Variants in KHDRBS2 observed in about 807,000 individuals in gnomAD.
KHDRBS2 encodes KH domain-containing, RNA-binding, signal transduction-associated protein 2.
Under a neutral mutation model 44.3 loss-of-function variants are expected in KHDRBS2, and 26 were observed. That is an observed-to-expected ratio of 0.59 (90% CI 0.43 to 0.81). The LOEUF (loss-of-function observed/expected upper bound fraction) is 0.81. Ranked by LOEUF, KHDRBS2 falls within the 40% of genes least tolerant of loss-of-function variation. The probability of loss-of-function intolerance (pLI) is 0.00; values close to 1 mark genes in which losing one functional copy is unlikely to be tolerated. For synonymous variants in KHDRBS2, 194 were observed against 151.1 expected (o/e 1.28, Z -2.08); for missense variants, 476 against 433.1 (o/e 1.10, Z -0.88).
intron 2 of KHDRBS2, among the ~76,000 whole-genome samples, chr6:62,119,853 G>A (rs1416477525): frequency 6.6e-6 from 1 of 152,108 alleles, no homozygotes; most frequent in Non-Finnish European, 1.5e-5. Context: ...TTCTCCTCAG[G>A]AACTACCCCC....
chr6:61,931,945 A>T (rs1031617414), intron 4 of KHDRBS2, among the ~76,000 whole-genome samples: 5 of 152,170 alleles, frequency 3.3e-5, no homozygotes, highest in Non-Finnish European at 5.9e-5. Flanking sequence ...TCCACTTAAT[A>T]GTAAATATAT....
intron 4 of KHDRBS2, among the ~76,000 whole-genome samples, chr6:61,904,250 A>G (rs1427174354): frequency 6.6e-6 from 1 of 152,174 alleles, no homozygotes; most frequent in Non-Finnish European, 1.5e-5. Context: ...TGAATTGCCC[A>G]TTTAAATCTT....
At chr6:62,021,412 T>TA (rs1010920423) in intron 3 of KHDRBS2, among the ~76,000 whole-genome samples, 2 of 151,674 alleles carry the variant, frequency 1.3e-5, no homozygotes, top group Non-Finnish European at 3.0e-5. Flanking sequence ...ACTTAAAAGT[T>TA]AAAAAAATAA....
Position 62,094,974 on chromosome 6 carries a change from G to C in KHDRBS2, c.220-46980C>G, listed in dbSNP as rs531067952. On this transcript the variant is annotated intron_variant, in intron 2 of 8. Transcript: ENST00000281156. ...TTTGGTTACTATAGCATTGTAGTAC[G>C]TTTCACAATAAGGTAGTGTGCTACC... 9.3e-4 allele frequency among the ~76,000 whole-genome samples: 141 copies of C among 151,802 alleles called. 2 individuals carry two copies. The South Asian group carries it at 0.01, about 11-fold the overall frequency.
At chr6:61,715,007 G>T (rs1771149618) in intron 7 of KHDRBS2, among the ~76,000 whole-genome samples, 1 of 151,786 alleles carries the variant, frequency 6.6e-6, no homozygotes, top group Non-Finnish European at 1.5e-5. Context: ...ATGCATAGAA[G>T]AAATTACAAC....
intron 6 of KHDRBS2, among the ~76,000 whole-genome samples, chr6:61,779,361 G>T (rs1395393399): frequency 6.6e-6 from 1 of 152,038 alleles, no homozygotes; most frequent in Non-Finnish European, 1.5e-5. Flanking sequence ...ACAGATTTTT[G>T]TTTTAATAAA....
At chr6:62,112,442 A>G (rs912673496) in intron 2 of KHDRBS2, among the ~76,000 whole-genome samples, 7 of 152,108 alleles carry the variant, frequency 4.6e-5, no homozygotes, top group Non-Finnish European at 1.0e-4. Flanking sequence ...GAGCAACAAG[A>G]CTAGATGAAA....
intron 6 of KHDRBS2, among the ~76,000 whole-genome samples, chr6:61,740,007 G>A (rs1775918084): frequency 6.6e-6 from 1 of 151,770 alleles, no homozygotes; most frequent in Non-Finnish European, 1.5e-5. Context: ...CAAATCTTGT[G>A]AGCCAGTATG....
intron 6 of KHDRBS2, among the ~76,000 whole-genome samples, chr6:61,755,928 T>A (rs1379606271): frequency 2.0e-5 from 3 of 152,190 alleles, no homozygotes; most frequent in Non-Finnish European, 4.4e-5. Flanking sequence ...ATGCTGTGAT[T>A]TGAAAACTAC....
intron 2 of KHDRBS2, among the ~76,000 whole-genome samples, chr6:62,088,972 C>T (rs550548476): frequency 6.6e-6 from 1 of 152,208 alleles, no homozygotes; most frequent in African/African-American, 2.4e-5. Flanking sequence ...TGCCCAGTGG[C>T]AGTGGGCTCC....
the KHDRBS2 span, among the ~76,000 whole-genome samples, chr6:61,673,111 C>T: frequency 6.6e-6 from 1 of 151,784 alleles, no homozygotes; most frequent in South Asian, 2.1e-4. Flanking sequence ...GGAATCCTTC[C>T]CCCATTGCTT....
Position 62,172,561 on chromosome 6 carries a change from C to T in KHDRBS2, c.219+4624G>A, listed in dbSNP as rs192493568. 1.8e-3 allele frequency among the ~76,000 whole-genome samples: 270 copies of T among 151,978 alleles called. 7 individuals are homozygous for T. In the South Asian group the frequency reaches 0.051, roughly 29 times the overall value. ...CTAACAAAGATATTCAGAACCTGAA[C>T]TCAACACTTGGCTAAATGAACCTAA... On this transcript the variant is annotated intron_variant, in intron 2 of 8. Transcript: ENST00000281156.
the KHDRBS2 span, among the ~76,000 whole-genome samples, chr6:61,653,579 T>C: frequency 6.6e-6 from 1 of 151,290 alleles, no homozygotes; most frequent in Non-Finnish European, 1.5e-5. Flanking sequence ...GTCCTTCCTT[T>C]ATGGAACTTC....
Position 61,953,782 on chromosome 6 carries a change from T to C in KHDRBS2, c.483+24284A>G, listed in dbSNP as rs150633120. Among the ~76,000 whole-genome samples the C allele has an allele frequency of 1.3e-3, 194 of 152,202 alleles. 1 individual carries two copies. Among genetic ancestry groups the C allele is most frequent in the African/African-American group, 4.4e-3 (183 of 41,538 alleles). ...ACGACCTCTCTGCCTACTTAGAAGA[T>C]ACAAGTGCAGCTTGAGAGAGAACAA... On this transcript the variant is annotated intron_variant, in intron 4 of 8. Transcript: ENST00000281156.
intron 1 of KHDRBS2, among the ~76,000 whole-genome samples, chr6:62,238,685 T>TACAC (rs1412041309): frequency 6.8e-5 from 8 of 117,380 alleles, no homozygotes; most frequent in East Asian, 2.5e-4. Flanking sequence ...TTAAGTTTTA[T>TACAC]ATACACACAC....
At chr6:61,890,277 C>G (rs1293515974) in intron 6 of KHDRBS2, among the ~76,000 whole-genome samples, 1 of 152,096 alleles carries the variant, frequency 6.6e-6, no homozygotes, top group Non-Finnish European at 1.5e-5. Context: ...TTTCAGATTA[C>G]CTAATATTTA....
chr6:62,011,814 G>GT (rs761193596), intron 3 of KHDRBS2, among the ~76,000 whole-genome samples: 2 of 152,030 alleles, frequency 1.3e-5, no homozygotes, highest in African/African-American at 4.8e-5. Flanking sequence ...TACTATTTTA[G>GT]TTTTTCATTC....
At chr6:62,271,288 T>C (rs1840047975) in intron 1 of KHDRBS2, among the ~76,000 whole-genome samples, 1 of 152,130 alleles carries the variant, frequency 6.6e-6, no homozygotes, top group African/African-American at 2.4e-5. Flanking sequence ...TCCTAAGGTT[T>C]AGCCATCCTA....
intron 6 of KHDRBS2, among the ~76,000 whole-genome samples, chr6:61,855,450 T>C (rs1478915349): frequency 1.3e-5 from 2 of 150,754 alleles, no homozygotes; most frequent in East Asian, 3.9e-4. Flanking sequence ...GCCTCCTAGG[T>C]TTCTTTGAGA....
Sources: allele counts gnomAD v4.1 joint callset (sites outside exome capture counted in the v4.1 genomes callset), GRCh38; gene constraint gnomAD v4.1.1; transcripts MANE v1.5; gene names NCBI Gene and HGNC (gene_info 2026-07-23, HGNC 2026-07-21).